PTPRD: variants seen among roughly 807,000 people sequenced by gnomAD.
PTPRD encodes the protein receptor-type tyrosine-protein phosphatase delta.
In PTPRD, 34 loss-of-function variants were observed where a neutral mutation model predicts 214.5. The ratio of observed to expected loss-of-function variants is 0.16; its 90% CI spans 0.12 to 0.21. The LOEUF is 0.21. Among genes scored for constraint, PTPRD ranks in the 10% least tolerant of loss-of-function variants. The pLI is 1.00. For missense variants in PTPRD, 2,545 were observed against 2,398.7 expected, an observed-to-expected ratio of 1.06 and a Z score of -1.27; for synonymous variants, 1,128 against 845.7, an observed-to-expected ratio of 1.33 and a Z score of -5.79.
intron 5 of PTPRD, among the ~76,000 whole-genome samples, chr9:9,827,904 T>A (rs2053504856): frequency 6.6e-6 from 1 of 152,022 alleles, no homozygotes; most frequent in Non-Finnish European, 1.5e-5. Context: ...CATGAAAAAA[T>A]GCTCATCATC....
At chr9:9,542,229 T>C (rs1038474737) in intron 8 of PTPRD, among the ~76,000 whole-genome samples, 28 of 151,734 alleles carry the variant, frequency 1.8e-4, no homozygotes, top group Non-Finnish European at 3.8e-4. Context: ...AGAGAATATC[T>C]TGAGCAACTT....
intron 7 of PTPRD, among the ~76,000 whole-genome samples, chr9:9,600,692 T>C (rs1033438427): frequency 6.6e-6 from 1 of 152,050 alleles, no homozygotes; most frequent in African/African-American, 2.4e-5. Context: ...GATTATTCTA[T>C]GAATCTCACA....
intron 5 of PTPRD, among the ~76,000 whole-genome samples, chr9:9,899,016 C>G (rs1001351542): frequency 6.6e-6 from 1 of 152,084 alleles, no homozygotes. Context: ...CAAAAATTTT[C>G]TGTAACTAAT....
At chr9:9,260,667 CATT>C (rs1010458247) in intron 9 of PTPRD, among the ~76,000 whole-genome samples, 15 of 151,706 alleles carry the variant, frequency 9.9e-5, no homozygotes, top group African/African-American at 3.6e-4. Flanking sequence ...TGATCCTAGA[CATT>C]ATGGTTACAA....
chr9:9,897,429 A>T (rs1381705470), intron 5 of PTPRD, among the ~76,000 whole-genome samples: 1 of 152,064 alleles, frequency 6.6e-6, no homozygotes, highest in Non-Finnish European at 1.5e-5. Flanking sequence ...TATTTGAGGG[A>T]AAGTTGAACT....
chr9:8,500,709 G>C (rs757424231), intron 24 of PTPRD, 45 bp downstream of exon 24: 1 of 1,583,118 alleles, frequency 6.3e-7, no homozygotes, highest in Non-Finnish European at 8.6e-7. Flanking sequence ...AGCAGATCAA[G>C]ACTGTGTCAG....
chr9:8,676,872 C>A (rs1223086561), intron 12 of PTPRD, among the ~76,000 whole-genome samples: 2 of 152,148 alleles, frequency 1.3e-5, no homozygotes, highest in Admixed American at 6.5e-5. Flanking sequence ...CCGTGCCCGG[C>A]CCATTGTCAT....
At chr9:9,335,120 T>A (rs1005921478) in intron 9 of PTPRD, among the ~76,000 whole-genome samples, 1 of 152,036 alleles carries the variant, frequency 6.6e-6, no homozygotes, top group East Asian at 1.9e-4. Context: ...TTACATCAAC[T>A]GAAAATTTGG....
chr9:8,465,808 CA>C, intron 31 of PTPRD, 133 bp from the exon 32 acceptor site: 2 of 684,706 alleles, frequency 2.9e-6, no homozygotes, highest in Non-Finnish European at 4.9e-6. Context: ...TATAGCACAT[CA>C]GCATCACTAA....
chr9:9,714,208 C>G (rs2154427237), intron 7 of PTPRD, among the ~76,000 whole-genome samples: 1 of 151,780 alleles, frequency 6.6e-6, no homozygotes, highest in South Asian at 2.1e-4. Flanking sequence ...TTATATGCTA[C>G]TTTTACCATG....
At chr9:8,376,143 A>G (rs2134850183) in intron 38 of PTPRD, 53 bp from the exon 39 acceptor site, 1 of 1,596,560 alleles carries the variant, frequency 6.3e-7, no homozygotes, top group Non-Finnish European at 8.6e-7. Flanking sequence ...TCAGGTGGTA[A>G]TGATGAATAA....
chr9:9,331,662 GCTAT>G (rs2042358749), intron 9 of PTPRD, among the ~76,000 whole-genome samples: 1 of 151,956 alleles, frequency 6.6e-6, no homozygotes, highest in Non-Finnish European at 1.5e-5. Context: ...AATAACAACG[GCTAT>G]CTAATACACG....
At chr9:9,484,150 G>A (rs2147245642) in intron 8 of PTPRD, among the ~76,000 whole-genome samples, 1 of 151,450 alleles carries the variant, frequency 6.6e-6, no homozygotes, top group African/African-American at 2.4e-5. Context: ...ATAATTAATA[G>A]GAAAATAAAA....
At chr9:8,406,413 C>T (rs1053487092) in intron 35 of PTPRD, among the ~76,000 whole-genome samples, 2 of 152,156 alleles carry the variant, frequency 1.3e-5, no homozygotes, top group African/African-American at 4.8e-5. Flanking sequence ...ATTGAAATCC[C>T]TTCTCTAATC....
chr9:9,563,440 T>C (rs866331197), intron 8 of PTPRD, among the ~76,000 whole-genome samples: 2 of 152,284 alleles, frequency 1.3e-5, no homozygotes, highest in Non-Finnish European at 2.9e-5. Flanking sequence ...ACCCAAACCA[T>C]GGATCACTCT....
At chr9:10,352,054 G>C (rs1304270725) in intron 2 of PTPRD, among the ~76,000 whole-genome samples, 1 of 151,972 alleles carries the variant, frequency 6.6e-6, no homozygotes, top group African/African-American at 2.4e-5. Context: ...AAAGAGAACT[G>C]AATAAAGTGG....
At chr9:8,364,421 T>C (rs745381086) in intron 39 of PTPRD, among the ~76,000 whole-genome samples, 3 of 152,212 alleles carry the variant, frequency 2.0e-5, no homozygotes, top group Non-Finnish European at 4.4e-5. Context: ...CTTTATCGAA[T>C]AGAAGAGGTA....
At chr9:9,459,654 C>G (rs1014796116) in intron 8 of PTPRD, among the ~76,000 whole-genome samples, 1 of 152,074 alleles carries the variant, frequency 6.6e-6, no homozygotes, top group Non-Finnish European at 1.5e-5. Context: ...TGAAAGACCT[C>G]TACAACAAGA....
At chr9:10,510,742 A>T (rs1182856239) in intron 2 of PTPRD, among the ~76,000 whole-genome samples, 3 of 152,120 alleles carry the variant, frequency 2.0e-5, no homozygotes, top group African/African-American at 7.2e-5. Context: ...TAGTTATTTT[A>T]AAATTTAGAG....
Sources: allele counts gnomAD v4.1 joint callset (sites outside exome capture counted in the v4.1 genomes callset), GRCh38; gene constraint gnomAD v4.1.1; transcripts MANE v1.5; gene names NCBI Gene and HGNC (gene_info 2026-07-23, HGNC 2026-07-21).